MRPL1: variants seen among roughly 807,000 people sequenced by gnomAD.
MRPL1 encodes the protein large ribosomal subunit protein uL1m.
A neutral mutation model predicts 38.0 loss-of-function variants in MRPL1; 28 were observed. The observed-to-expected ratio is 0.74, with a 90% CI of 0.55 to 1.01. The LOEUF is 1.01. Ranked by LOEUF, MRPL1 falls within the 50% of genes least tolerant of loss-of-function variation. The pLI is 0.00. For synonymous variants in MRPL1, 123 were observed against 126.7 expected (o/e 0.97, Z 0.20); for missense variants, 358 against 389.8 (o/e 0.92, Z 0.69).
intron 2 of MRPL1, among the ~76,000 whole-genome samples, chr4:77,878,589 C>T (rs1735454809): frequency 1.3e-5 from 2 of 152,076 alleles, no homozygotes; most frequent in Non-Finnish European, 2.9e-5. Context: ...TTTTAAAAAT[C>T]TTATTTTAGG....
chr4:77,937,444 A>G (rs1177342305), intron 7 of MRPL1, among the ~76,000 whole-genome samples: 1 of 152,230 alleles, frequency 6.6e-6, no homozygotes, highest in East Asian at 1.9e-4. Flanking sequence ...TTCCAGGCCT[A>G]ACTGCTCTGG....
chr4:77,885,479 G>T (rs1560462118), intron 4 of MRPL1, 140 bp downstream of exon 4: 2 of 595,108 alleles, frequency 3.4e-6, no homozygotes, highest in East Asian at 6.2e-5. Context: ...CGATTCTCCT[G>T]CCTCAGCCTC....
At chr4:77,888,370 T>A (rs1409153628) in intron 5 of MRPL1, among the ~76,000 whole-genome samples, 1 of 152,126 alleles carries the variant, frequency 6.6e-6, no homozygotes, top group Non-Finnish European at 1.5e-5. Context: ...CCAGGCGTGG[T>A]GGCACATGCC....
At chr4:77,894,541 A>T (rs2060982934) in intron 6 of MRPL1, among the ~76,000 whole-genome samples, 1 of 152,114 alleles carries the variant, frequency 6.6e-6, no homozygotes, top group Admixed American at 6.5e-5. Flanking sequence ...TATTATCATC[A>T]TACTGTTTTA....
intron 7 of MRPL1, among the ~76,000 whole-genome samples, chr4:77,940,132 C>T (rs1737082773): frequency 6.6e-6 from 1 of 152,022 alleles, no homozygotes; most frequent in Admixed American, 6.6e-5. Flanking sequence ...TTGCTTTTGA[C>T]AGTATGGTCA....
rs376860516 is a variant in MRPL1 at position 77,937,596 on chromosome 4, A to G, written c.778-12201A>G. Among the ~76,000 whole-genome samples the G allele has an allele frequency of 1.8e-4, 27 of 152,286 alleles. 1 individual carries two copies. The South Asian group carries it at 2.3e-3, about 13-fold the overall frequency. Reference sequence around the variant, plus strand: ...CATTCAGTCTCTCCTTCCTGCAGGTACCACCCAGTCTTTACAGATGAACCT... The same window carrying G: ...CATTCAGTCTCTCCTTCCTGCAGGTGCCACCCAGTCTTTACAGATGAACCT... On this transcript the variant is annotated intron_variant, in intron 7 of 8. Transcript: ENST00000315567.
In MRPL1 at chr4:77,866,264, T is replaced by G. The variant is rs573434968; in HGVS notation, c.31+3385T>G. Reference sequence around the variant, plus strand: ...ACGAGGTTTTGCCCTGTTGACCAGGTTGGTCTTGAACTCCTGACCTCAGGT... The same window carrying G: ...ACGAGGTTTTGCCCTGTTGACCAGGGTGGTCTTGAACTCCTGACCTCAGGT... On this transcript the variant is annotated intron_variant, in intron 1 of 8. Transcript: ENST00000315567. Among the ~76,000 whole-genome samples, 5 of 152,226 alleles carry G rather than the reference T, an allele frequency of 3.3e-5. No individual in the cohort carries two copies. In the East Asian group the frequency reaches 9.7e-4, roughly 29 times the overall value.
chr4:77,933,172 C>G (rs1038241038), intron 7 of MRPL1, among the ~76,000 whole-genome samples: 2 of 152,138 alleles, frequency 1.3e-5, no homozygotes, highest in Non-Finnish European at 2.9e-5. Context: ...CCTCGAACTC[C>G]TGTTCTCAAG....
intron 6 of MRPL1, among the ~76,000 whole-genome samples, chr4:77,907,878 C>CTTTCT (rs1179247968): frequency 1.3e-5 from 2 of 149,802 alleles, no homozygotes; most frequent in African/African-American, 4.9e-5. Flanking sequence ...ATGCCAGTTT[C>CTTTCT]TTTCTTTTCT....
At chr4:77,887,329 G>A (rs758630136) in intron 5 of MRPL1, 38 bp downstream of exon 5, 65 of 1,467,174 alleles carry the variant, frequency 4.4e-5, no homozygotes, top group Admixed American at 1.5e-4. Context: ...GTATAGAGAT[G>A]ATTCTGTTAT....
At chr4:77,894,640 G>A (rs1272388494) in intron 6 of MRPL1, among the ~76,000 whole-genome samples, 5 of 151,984 alleles carry the variant, frequency 3.3e-5, no homozygotes, top group Non-Finnish European at 7.4e-5. Context: ...CCATATGCAT[G>A]GCTCTGAAGG....
At chr4:77,881,821 A>G (rs998764456) in intron 2 of MRPL1, among the ~76,000 whole-genome samples, 3 of 152,092 alleles carry the variant, frequency 2.0e-5, no homozygotes, top group South Asian at 2.1e-4. Context: ...TCAGGTTCTC[A>G]TATCTCTGAG....
At chr4:77,941,651 A>C (rs559042031) in intron 7 of MRPL1, among the ~76,000 whole-genome samples, 5 of 152,046 alleles carry the variant, frequency 3.3e-5, no homozygotes, top group African/African-American at 1.2e-4. Context: ...TAGGTTTTCT[A>C]TGTGCGTAAA....
chr4:77,910,269 T>C (rs762511577), intron 7 of MRPL1, among the ~76,000 whole-genome samples: 91 of 152,324 alleles, frequency 6.0e-4, no homozygotes, highest in Admixed American at 9.2e-4. Flanking sequence ...CCAGGCTCTT[T>C]ATCCCTATAC....
chr4:77,910,479 A>T (rs1262685375), intron 7 of MRPL1, among the ~76,000 whole-genome samples: 3 of 152,222 alleles, frequency 2.0e-5, no homozygotes, highest in Non-Finnish European at 4.4e-5. Flanking sequence ...TCTATAAAAA[A>T]TACAAAAAAA....
intron 7 of MRPL1, among the ~76,000 whole-genome samples, chr4:77,920,796 C>G (rs777818235): frequency 2.0e-4 from 30 of 152,026 alleles, no homozygotes; most frequent in Non-Finnish European, 4.0e-4. Flanking sequence ...CTTATTTACT[C>G]TGTCCCCCAC....
chr4:77,864,970 A>C (rs1330190918), intron 1 of MRPL1, among the ~76,000 whole-genome samples: 1 of 150,652 alleles, frequency 6.6e-6, no homozygotes, highest in African/African-American at 2.5e-5. Context: ...GGCTCATGCA[A>C]CCTCTGCCTC....
rs74550505 is a variant in MRPL1 at position 77,885,261 on chromosome 4, C to T, written c.408C>T (p.Asn136=). 0.04 allele frequency: 63,640 copies of T among 1,609,982 alleles called. 1,476 individuals are homozygous for T. The highest frequency in any genetic ancestry group is 0.056 in the South Asian group (5,139 of 90,964). The stretch of plus-strand genomic sequence containing the variant: ...TTTCCTTGTCATGTGTTTAGAAAAA[C>T]GTGGAGCCATTTACCAGTGTTCTTA... ...TLDMALGKKK[N]VEPFTSVLSL... The change falls in exon 4 of 9, where the codon AAC becomes AAT. Residue 136 remains asparagine (N), a synonymous_variant. Coordinates refer to ENST00000315567, the MANE Select transcript of MRPL1 (RefSeq NM_020236.4).
At chr4:77,887,824 C>G (rs955895009) in intron 5 of MRPL1, among the ~76,000 whole-genome samples, 3 of 152,102 alleles carry the variant, frequency 2.0e-5, no homozygotes, top group Non-Finnish European at 4.4e-5. Context: ...CAACCTCAGA[C>G]AGTCTGATAT....
Sources: gnomAD v4.1 joint callset for allele counts (sites outside exome capture counted in the v4.1 genomes callset) on GRCh38, gnomAD v4.1.1 for gene constraint, MANE v1.5 for transcripts, NCBI Gene and HGNC (gene_info 2026-07-23, HGNC 2026-07-21) for gene names.